Variants in SUSD1 observed in about 807,000 individuals in gnomAD.
SUSD1 encodes sushi domain-containing protein 1.
Under a neutral mutation model 86.9 loss-of-function variants are expected in SUSD1, and 65 were observed. The observed-to-expected ratio is 0.75, with a 90% CI of 0.61 to 0.92. SUSD1 has a LOEUF of 0.92. SUSD1 is among the 40% of genes least tolerant of loss of function. SUSD1 has a pLI of 0.00. For synonymous variants in SUSD1, 346 were observed against 350.0 expected (o/e 0.99, Z 0.13); for missense variants, 850 against 929.7 (o/e 0.91, Z 1.11).
Position 112,175,212 on chromosome 9 carries a change from C to T in SUSD1, c.24G>A (p.Ala8=), listed in dbSNP as rs958605720. The change falls in exon 1 of 17, where the codon GCG becomes GCA. Residue 8 remains alanine, a synonymous_variant. Coordinates refer to ENST00000374270, the MANE Select transcript of SUSD1 (RefSeq NM_022486.5). The surrounding 1 kb of genome is among the most constrained non-coding windows in gnomAD (Gnocchi z 4.7). ...GCGGCAGCAGGCGGCGAGACGGGCCCGCATCCCAGGGCCCCCGGCCCATGC... is the reference window on the plus strand; with the variant it reads ...GCGGCAGCAGGCGGCGAGACGGGCCTGCATCCCAGGGCCCCCGGCCCATGC... MGRGPWD[A]GPSRRLLPLL... 24 of 1,160,290 alleles carry T rather than the reference C, an allele frequency of 2.1e-5. No homozygotes were observed. The highest frequency in any genetic ancestry group is 2.4e-5 in the Non-Finnish European group (23 of 944,612). 71.9% of individuals were successfully genotyped at this position (1,160,290 alleles called of 1,614,324 possible). A position where few individuals can be genotyped will look rare whatever the true frequency, so the allele number is the denominator to read the frequency against.
intron 12 of SUSD1, among the ~76,000 whole-genome samples, chr9:112,063,472 A>G (rs535503450): frequency 3.2e-4 from 49 of 152,378 alleles, no homozygotes; most frequent in Admixed American, 2.0e-3. Flanking sequence ...AATAAAAAGA[A>G]GTGATGAGTA....
In SUSD1 at chr9:112,064,062, G is replaced by A. The variant is rs534436628; in HGVS notation, c.1754-1029C>T. 2.5e-4 allele frequency among the ~76,000 whole-genome samples: 31 copies of A among 124,872 alleles called. No individual in the cohort carries two copies. The South Asian group carries it at 9.2e-3, about 37-fold the overall frequency. The allele number at this position is 124,872 out of a possible 152,430, so 81.9% of individuals were successfully genotyped here. A position where few individuals can be genotyped will look rare whatever the true frequency, so the allele number is the denominator to read the frequency against. On this transcript the variant is annotated intron_variant, in intron 12 of 16. Transcript: ENST00000374270. Reference sequence around the variant, plus strand: ...TTCTTTTTTTGGGGGGGGGGCGGGTGGGGGCTGCCTGAATGCAGGACAGGT... The same window carrying A: ...TTCTTTTTTTGGGGGGGGGGCGGGTAGGGGCTGCCTGAATGCAGGACAGGT...
chr9:112,157,407 C>G (rs926393253), intron 2 of SUSD1, 93 bp downstream of exon 2: 5 of 812,072 alleles, frequency 6.2e-6, no homozygotes, highest in Non-Finnish European at 9.8e-6. Context: ...AACAAAATAA[C>G]AATGTTTTTC....
At position 112,078,619 on chromosome 9, in the gene SUSD1, G is replaced by A. The variant is rs902655835; in HGVS notation, c.1672C>T (p.Pro558Ser). 8 of 1,613,956 alleles carry A rather than the reference G, an allele frequency of 5.0e-6. No homozygotes were observed. Among genetic ancestry groups the A allele is most frequent in the Admixed American group, 1.7e-5 (1 of 59,998 alleles). The change falls in exon 12 of 17, where the codon CCG becomes TCG. Residue 558 changes from proline (P) to serine (S), a missense_variant. Coordinates refer to ENST00000374270, the MANE Select transcript of SUSD1 (RefSeq NM_022486.5). ...AGACTGACATTGTAGTTGGTACCCGGACGTAGGTCCAAGCACACCTCGGGA... is the reference window on the plus strand; with the variant it reads ...AGACTGACATTGTAGTTGGTACCCGAACGTAGGTCCAAGCACACCTCGGGA... ...RDPEVCLDLR[P>S]GTNYNVSLRA...
intron 12 of SUSD1, among the ~76,000 whole-genome samples, chr9:112,070,980 G>C (rs1829243083): frequency 6.6e-6 from 1 of 151,988 alleles, no homozygotes; most frequent in African/African-American, 2.4e-5. Context: ...TTTTGTTTTG[G>C]TTTTGTTTGT....
chr9:112,159,036 G>T (rs919372611), intron 1 of SUSD1, among the ~76,000 whole-genome samples: 3 of 151,448 alleles, frequency 2.0e-5, no homozygotes, highest in Non-Finnish European at 4.4e-5. Flanking sequence ...ATGTGTTTAA[G>T]ATGACAGTGA....
Position 112,041,498 on chromosome 9 carries a change from C to T in SUSD1, c.*-6G>A, listed in dbSNP as rs1163255814. 1 of 780,918 alleles carries T rather than the reference C, an allele frequency of 1.3e-6. No individual in the cohort carries two copies. Among genetic ancestry groups the T allele is most frequent in the Non-Finnish European group, 2.4e-6 (1 of 418,136 alleles). The allele number at this position is 780,918 out of a possible 1,614,324, so 48.4% of individuals were successfully genotyped here. A position where few individuals can be genotyped will look rare whatever the true frequency, so the allele number is the denominator to read the frequency against. ...ACTCAGTGTCCATCTGCCATCTAGA[C>T]ATGGAGGAGGAAAAGAAAAGAGACA... On this transcript the variant is annotated splice_region_variant and splice_polypyrimidine_tract_variant and intron_variant, in intron 16 of 16. Transcript: ENST00000374270.
chr9:112,127,498 C>T (rs1162189203), intron 5 of SUSD1, among the ~76,000 whole-genome samples: 1 of 152,008 alleles, frequency 6.6e-6, no homozygotes, highest in Non-Finnish European at 1.5e-5. Flanking sequence ...TTCACCCTCA[C>T]ACTGAGCAAA....
Position 112,128,796 on chromosome 9 carries a change from T to G in SUSD1, c.707-4360A>C, listed in dbSNP as rs545621317. Among the ~76,000 whole-genome samples, 4 of 152,056 alleles carry G rather than the reference T, an allele frequency of 2.6e-5. No homozygotes were observed. In the South Asian group the frequency reaches 8.3e-4, roughly 32 times the overall value. Reference sequence around the variant, plus strand: ...AACGAAAGAACCAATGCAAAGACCCTGAGATAAGAAAGCTCTTGGTGGGTT... The same window carrying G: ...AACGAAAGAACCAATGCAAAGACCCGGAGATAAGAAAGCTCTTGGTGGGTT... On this transcript the variant is annotated intron_variant, in intron 5 of 16. Transcript: ENST00000374270.
intron 15 of SUSD1, among the ~76,000 whole-genome samples, chr9:112,047,453 T>C (rs1028217716): frequency 1.3e-5 from 2 of 152,218 alleles, no homozygotes; most frequent in Non-Finnish European, 2.9e-5. Context: ...AACTTCTTTC[T>C]GGAGGCTCTG....
chr9:112,064,046 T>TGGGGGGGGG (rs58850509), intron 12 of SUSD1, among the ~76,000 whole-genome samples: 1 of 78,640 alleles, frequency 1.3e-5, no homozygotes, highest in Non-Finnish European at 3.0e-5. Flanking sequence ...TTTCTTTTTT[T>TGGGGGGGGG]GGGGGGGGGG....
chr9:112,105,813 G>A (rs1830814242), intron 8 of SUSD1, among the ~76,000 whole-genome samples: 2 of 152,150 alleles, frequency 1.3e-5, no homozygotes, highest in South Asian at 4.1e-4. Context: ...GAGGTTTCAT[G>A]AAGAGACTTC....
intron 1 of SUSD1, among the ~76,000 whole-genome samples, chr9:112,157,946 C>A (rs575985792): frequency 1.1e-4 from 16 of 151,940 alleles, no homozygotes; most frequent in African/African-American, 3.6e-4. Context: ...ACCTCAGCCT[C>A]CCAAGTAGCT....
rs1831994978 is a variant in SUSD1 at position 112,130,736 on chromosome 9, C to A, written c.707-6300G>T. ...TTATTTATTACAACAGAAAATCCTA[C>A]AAAGTAGCCAGGCAAGGTGGCTTAC... On this transcript the variant is annotated intron_variant, in intron 5 of 16. Coordinates refer to ENST00000374270, the MANE Select transcript of SUSD1 (RefSeq NM_022486.5). Among the ~76,000 whole-genome samples, 2 of 150,686 alleles carry A rather than the reference C, an allele frequency of 1.3e-5. 1 individual carries two copies. The highest frequency in any genetic ancestry group is 4.2e-4 in the South Asian group (2 of 4,792).
At chr9:112,059,828 A>C (rs375184855) in intron 13 of SUSD1, among the ~76,000 whole-genome samples, 9 of 152,310 alleles carry the variant, frequency 5.9e-5, no homozygotes, top group African/African-American at 2.2e-4. Flanking sequence ...TCCTGCCTCT[A>C]GTACCATGTT....
chr9:112,125,574 A>G (rs917190330), intron 5 of SUSD1, among the ~76,000 whole-genome samples: 40 of 151,570 alleles, frequency 2.6e-4, no homozygotes, highest in Non-Finnish European at 2.9e-4. Flanking sequence ...ATGGTCAGAG[A>G]AAAAAAAAGA....
intron 12 of SUSD1, among the ~76,000 whole-genome samples, chr9:112,076,538 C>T (rs933879918): frequency 6.6e-6 from 1 of 152,172 alleles, no homozygotes; most frequent in African/African-American, 2.4e-5. Flanking sequence ...GGTGAGAAAT[C>T]ACAAGTTCCG....
At chr9:112,142,961 CTTTTTT>C (rs529470594) in intron 4 of SUSD1, among the ~76,000 whole-genome samples, 4 of 30,214 alleles carry the variant, frequency 1.3e-4, no homozygotes, top group African/African-American at 3.8e-4. Context: ...TGAATTTTAG[CTTTTTT>C]TTTTTTTTTT....
intron 6 of SUSD1, among the ~76,000 whole-genome samples, chr9:112,118,629 C>T (rs1341023017): frequency 1.3e-5 from 2 of 152,086 alleles, no homozygotes; most frequent in African/African-American, 2.4e-5. Context: ...GGACTACAGA[C>T]GCGTGCCACC....
Sources: allele counts gnomAD v4.1 joint callset (sites outside exome capture counted in the v4.1 genomes callset), GRCh38; gene constraint gnomAD v4.1.1; non-coding constraint Gnocchi (gnomAD v3.1); transcripts MANE v1.5; gene names NCBI Gene and HGNC (gene_info 2026-07-23, HGNC 2026-07-21).